COPE: variants seen among roughly 807,000 people sequenced by gnomAD.
The protein encoded by COPE is coatomer subunit epsilon.
A neutral mutation model predicts 42.1 loss-of-function variants in COPE; 19 were observed. The observed-to-expected ratio is 0.45, with a 90% CI of 0.31 to 0.66. The LOEUF is 0.66. Ranked by LOEUF, COPE falls within the 30% of genes least tolerant of loss-of-function variation. The pLI, the probability that COPE is intolerant of heterozygous loss-of-function variation, is 0.05. For synonymous variants in COPE, 195 were observed against 181.3 expected, an observed-to-expected ratio of 1.08 and a Z score of -0.60; for missense variants, 402 against 416.1, an observed-to-expected ratio of 0.97 and a Z score of 0.30.
chr19:18,910,998 G>A lies in COPE; in HGVS notation c.263C>T (p.Ala88Val). 1 of 1,614,002 alleles carries A rather than the reference G, an allele frequency of 6.2e-7. No homozygotes were observed. The highest frequency in any genetic ancestry group is 8.5e-7 in the Non-Finnish European group (1 of 1,180,020). ...CCGACTCTCGTGGGCGAGGTAGTCA[G>A]CAAACATGCGCACGGCCTGGAGCTC... is the stretch of plus-strand genomic sequence containing the variant. Reference protein sequence around the residue: ...APELQAVRMFADYLAHESRRD... With the variant: ...APELQAVRMFVDYLAHESRRD... Residue 88 changes from alanine (A) to valine (V), a missense_variant, in exon 3 of 10, where the codon GCT (alanine) becomes GTT (valine). By Grantham distance (64) the Ala-to-Val change is moderately conservative (BLOSUM62 0). Transcript: ENST00000262812.
chr19:18,907,033 C>T lies in COPE; in HGVS notation c.370G>A (p.Ala124Thr), dbSNP rs370169427. ...VTNTTFLLMA[A>T]SIYLHDQNPD... The stretch of plus-strand genomic sequence containing the variant: ...TTCTGGTCGTGGAGATAGATGGAGG[C>T]GGCCATGAGCAGGAAGGTGGTGTTG... The change falls in exon 4 of 10, where the codon GCC (alanine) becomes ACC (threonine). Residue 124 changes from alanine (A) to threonine (T), a missense_variant. Ala to Thr is a moderately conservative substitution (Grantham distance 58, BLOSUM62 0). Coordinates refer to ENST00000262812, the MANE Select transcript of COPE (RefSeq NM_007263.4). The T allele has an allele frequency of 3.1e-5, 49 of 1,602,298 alleles. No homozygotes were observed. Among genetic ancestry groups the T allele is most frequent in the Middle Eastern group, 3.3e-4 (2 of 6,058 alleles).
intron 6 of COPE, 52 bp from the exon 7 acceptor site, chr19:18,903,475 C>A (rs1475757462): frequency 1.3e-6 from 2 of 1,542,392 alleles, no homozygotes; most frequent in South Asian, 1.2e-5. Flanking sequence ...CCGGCCCTTC[C>A]CCCGCCAGCC....
intron 1 of COPE, among the ~76,000 whole-genome samples, chr19:18,915,918 A>G (rs1320924741): frequency 6.6e-6 from 1 of 152,224 alleles, no homozygotes; most frequent in African/African-American, 2.4e-5. Context: ...GGGGGCAGCA[A>G]AGGGCAAAGA....
Position 18,905,871 on chromosome 19 carries a change from C to T in COPE, c.444-242G>A, listed in dbSNP as rs2056754297. On this transcript the variant is annotated intron_variant, in intron 4 of 9. Transcript: ENST00000262812. ...TTCAGGCCCCGGCCCACTCACCGCC[C>T]ATCTGGAGAAGCAGCCTCCATGGGC... is the stretch of plus-strand genomic sequence containing the variant. 3 of 547,940 alleles carry T rather than the reference C, an allele frequency of 5.5e-6. No homozygotes were observed. In the South Asian group the frequency reaches 7.3e-5, roughly 13 times the overall value. 33.9% of individuals were successfully genotyped at this position (547,940 alleles called of 1,614,324 possible). A position where few individuals can be genotyped will look rare whatever the true frequency, so the allele number is the denominator to read the frequency against.
chr19:18,910,914 CA>C (rs780857250), intron 3 of COPE, 56 bp downstream of exon 3: 3 of 1,505,432 alleles, frequency 2.0e-6, no homozygotes, highest in Non-Finnish European at 2.8e-6. Context: ...GGTTCATAAC[CA>C]ACAGGCCTTG....
rs1411160803 is a variant in COPE, at chr19:18,915,003, G to C, written c.127-1957C>G. On this transcript the variant is annotated intron_variant, in intron 1 of 9. Transcript: ENST00000262812. ...GGCCTCCCAAAGTGCTGGGATTACA[G>C]GCATGAGCCACCGTGCCCGGTCTGA... 2.0e-5 allele frequency among the ~76,000 whole-genome samples: 3 copies of C among 152,094 alleles called. No homozygotes were observed. The East Asian group carries it at 5.9e-4, about 30-fold the overall frequency.
rs2056727239 is a variant in COPE, at chr19:18,903,355, C to T, written c.648G>A (p.Leu216=). The part of the protein sequence containing the change: ...QEMADKCSPT[L]LLLNGQAACH... The stretch of plus-strand genomic sequence containing the variant: ...AGGCCGCCTGCCCATTGAGCAGCAG[C>T]AGGGTGGGCGAGCACTTGTCAGCCA... The change falls in exon 7 of 10, where the codon CTG becomes CTA. Residue 216 remains leucine, a synonymous_variant. Transcript: ENST00000262812. The T allele has an allele frequency of 3.1e-6, 5 of 1,612,932 alleles. No individual in the cohort carries two copies. Among genetic ancestry groups the T allele is most frequent in the Non-Finnish European group, 4.2e-6 (5 of 1,179,602 alleles).
rs775625424 is a variant in COPE at position 18,903,234 on chromosome 19, C to T, written c.735+34G>A. ...CCACCCTCTGGCCGCCTGGCCTTCC[C>T]TCCGTCCCCACTCTGGGACAGGCTT... On this transcript the variant is annotated intron_variant, in intron 7 of 9. Transcript: ENST00000262812. 1.6e-5 allele frequency: 24 copies of T among 1,531,586 alleles called. No homozygotes were observed. The East Asian group carries it at 5.5e-4, about 35-fold the overall frequency. The allele number at this position is 1,531,586 out of a possible 1,614,324, so 94.9% of individuals were successfully genotyped here. A position where few individuals can be genotyped will look rare whatever the true frequency, so the allele number is the denominator to read the frequency against.
chr19:18,910,727 G>C, intron 3 of COPE: 1 of 567,432 alleles, frequency 1.8e-6, no homozygotes, highest in East Asian at 2.9e-5. Flanking sequence ...TGGTCCATGA[G>C]GGCGTGTGCA....
intron 8 of COPE, 82 bp from the exon 9 acceptor site, chr19:18,900,029 G>A: frequency 7.9e-7 from 1 of 1,260,940 alleles, no homozygotes; most frequent in Middle Eastern, 1.9e-4. Flanking sequence ...GGTGGATTGG[G>A]GTGAGAGCCA....
intron 3 of COPE, among the ~76,000 whole-genome samples, chr19:18,907,812 CTG>C (rs2056774858): frequency 6.6e-6 from 1 of 152,236 alleles, no homozygotes; most frequent in Admixed American, 6.5e-5. Context: ...AAACGTGGCT[CTG>C]TGACCCCGTA....
At chr19:18,915,372 T>C (rs776744458) in intron 1 of COPE, among the ~76,000 whole-genome samples, 4 of 152,100 alleles carry the variant, frequency 2.6e-5, no homozygotes, top group Admixed American at 6.6e-5. Flanking sequence ...GGCTGCAGAG[T>C]GCACTGGAGA....
intron 4 of COPE, chr19:18,905,993 G>C: frequency 2.3e-6 from 1 of 434,424 alleles, no homozygotes; most frequent in South Asian, 6.3e-5. Flanking sequence ...ACCCGCCCCT[G>C]CACCTGCACC....
intron 3 of COPE, chr19:18,910,470 A>T (rs1479574215): frequency 6.2e-6 from 1 of 161,870 alleles, no homozygotes; most frequent in East Asian, 1.7e-4. Flanking sequence ...CTATAGTCGT[A>T]GCTACTCAGG....
intron 7 of COPE, among the ~76,000 whole-genome samples, chr19:18,900,775 C>T (rs770278418): frequency 2.6e-5 from 4 of 152,192 alleles, no homozygotes; most frequent in Non-Finnish European, 4.4e-5. Flanking sequence ...TGCTGTACAA[C>T]GAACCCCGAG....
In COPE at chr19:18,906,980, G is replaced by A; in HGVS notation, c.423C>T (p.His141=). The A allele has an allele frequency of 6.4e-7, 1 of 1,568,006 alleles. No individual in the cohort carries two copies. The change falls in exon 4 of 10, where the codon CAC becomes CAT. Residue 141 remains histidine (H), a synonymous_variant. Coordinates refer to ENST00000262812, the MANE Select transcript of COPE (RefSeq NM_007263.4). ...QNPDAALRAL[H]QGDSLECTAM... is the part of the protein sequence containing the mutation. ...CTCACCACTCCAGGCTGTCCCCCTG[G>A]TGCAGCGCACGCAGGGCGGCATCCG...
rs561464145 is a variant in COPE, at chr19:18,899,988, A to T, written c.805-41T>A. The T allele has an allele frequency of 1.8e-5, 28 of 1,579,024 alleles. 1 individual carries two copies. The South Asian group carries it at 3.1e-4, about 17-fold the overall frequency. The stretch of plus-strand genomic sequence containing the variant: ...GGAGGCAGGTGAGCCGAACACGGGG[A>T]CCCCACGGTGGCTCTGACCTGCTGG... On this transcript the variant is annotated intron_variant, in intron 8 of 9. Transcript: ENST00000262812.
rs370018210 is a variant in COPE, at chr19:18,906,307, C to T, written c.443+653G>A. On this transcript the variant is annotated intron_variant, in intron 4 of 9. Transcript: ENST00000262812. ...CAGACTCAAGGGATACTCCTGCTTC[C>T]GCCTCCCAAGTAGCTGGAAACATAG... 57 of 213,506 alleles carry T rather than the reference C, an allele frequency of 2.7e-4. No homozygotes were observed. The South Asian group carries it at 6.9e-3, about 26-fold the overall frequency. The allele number at this position is 213,506 out of a possible 1,614,324, so 13.2% of individuals were successfully genotyped here. A position where few individuals can be genotyped will look rare whatever the true frequency, so the allele number is the denominator to read the frequency against.
At chr19:18,901,757 C>A (rs2056700862) in intron 7 of COPE, among the ~76,000 whole-genome samples, 1 of 152,176 alleles carries the variant, frequency 6.6e-6, no homozygotes, top group Non-Finnish European at 1.5e-5. Context: ...ACAGTGAGAC[C>A]CCATTTCTAA....
Sources: allele counts gnomAD v4.1 joint callset (sites outside exome capture counted in the v4.1 genomes callset), GRCh38; gene constraint gnomAD v4.1.1; transcripts MANE v1.5; gene names NCBI Gene and HGNC (gene_info 2026-07-23, HGNC 2026-07-21).